Variants in EPHA7 observed in about 807,000 individuals in gnomAD.
The protein encoded by EPHA7 is EPH receptor A7.
Under a neutral mutation model 112.6 loss-of-function variants are expected in EPHA7, and 25 were observed. That is an observed-to-expected ratio of 0.22 (90% confidence interval 0.16 to 0.31). The LOEUF (loss-of-function observed/expected upper bound fraction) is 0.31, where lower values mean the gene tolerates loss of function less well. Ranked by LOEUF, EPHA7 falls within the 10% of genes least tolerant of loss-of-function variation. EPHA7 has a pLI of 1.00. For synonymous variants in EPHA7, 437 were observed against 406.5 expected, an observed-to-expected ratio of 1.07 and a Z score of -0.90; for missense variants, 962 against 1,212.6, an observed-to-expected ratio of 0.79 and a Z score of 3.07.
At chr6:93,411,288 G>A (rs41273631) in intron 2 of EPHA7, 118 bp from the exon 3 acceptor site, 22 of 760,324 alleles carry the variant, frequency 2.9e-5, no homozygotes, top group Non-Finnish European at 4.5e-5. Flanking sequence ...TCCTATGCTG[G>A]CAAAACTATA....
At chr6:93,324,651 C>T (rs1774229802) in intron 5 of EPHA7, among the ~76,000 whole-genome samples, 1 of 151,416 alleles carries the variant, frequency 6.6e-6, no homozygotes, top group Non-Finnish European at 1.5e-5. Context: ...AAGTGTGCTA[C>T]AGCAAGTAGG....
intron 3 of EPHA7, among the ~76,000 whole-genome samples, chr6:93,370,680 T>G (rs1205953857): frequency 1.3e-5 from 2 of 152,212 alleles, no homozygotes; most frequent in Non-Finnish European, 2.9e-5. Flanking sequence ...GGTTTCCTAT[T>G]ACATTTCATA....
chr6:93,241,578 A>C lies in EPHA7; in HGVS notation c.*1848T>G. ...ATTAAAATGATTTTTCTAGTCAATC[A>C]AAAAATAAATTAAAATATCAAATAA... On this transcript the variant is annotated 3_prime_UTR_variant, in exon 17 of 17. Transcript: ENST00000369303. The C allele has an allele frequency of 4.6e-6, 1 of 218,062 alleles. No individual in the cohort carries two copies. The highest frequency in any genetic ancestry group is 6.8e-5 in the East Asian group (1 of 14,704). 13.5% of individuals were successfully genotyped at this position (218,062 alleles called of 1,614,324 possible).
intron 6 of EPHA7, among the ~76,000 whole-genome samples, chr6:93,270,375 T>C (rs1054705890): frequency 6.6e-6 from 1 of 151,412 alleles, no homozygotes; most frequent in Non-Finnish European, 1.5e-5. Flanking sequence ...CCTATCATTA[T>C]CAAACATATT....
chr6:93,274,139 T>C (rs1771359990), intron 5 of EPHA7, among the ~76,000 whole-genome samples: 1 of 151,938 alleles, frequency 6.6e-6, no homozygotes, highest in Admixed American at 6.6e-5. Flanking sequence ...TAGAAATAGG[T>C]TAGAGAGCTC....
chr6:93,301,721 C>T (rs1262002073), intron 5 of EPHA7, among the ~76,000 whole-genome samples: 2 of 152,170 alleles, frequency 1.3e-5, no homozygotes, highest in Non-Finnish European at 2.9e-5. Context: ...CTCTCCCTTG[C>T]TCCCTATACT....
intron 3 of EPHA7, among the ~76,000 whole-genome samples, chr6:93,389,565 G>A (rs1000693842): frequency 1.3e-5 from 2 of 151,850 alleles, no homozygotes; most frequent in East Asian, 1.9e-4. Context: ...ACTTATTTAC[G>A]CATTACAAAA....
intron 6 of EPHA7, among the ~76,000 whole-genome samples, chr6:93,270,538 A>G (rs1274501751): frequency 6.6e-6 from 1 of 151,712 alleles, no homozygotes; most frequent in Non-Finnish European, 1.5e-5. Context: ...TGTAAAAATT[A>G]TACTTCATAA....
rs560137620 is a variant in EPHA7, at chr6:93,242,729, T to C, written c.*697A>G. On this transcript the variant is annotated 3_prime_UTR_variant, in exon 17 of 17. Coordinates refer to ENST00000369303, the MANE Select transcript of EPHA7 (RefSeq NM_004440.4). ...GTCTGATCTTTACAAAAAAATTCTTTTTAAAAAATATCAGAGCTCTTGGCA... is the reference window on the plus strand; with the variant it reads ...GTCTGATCTTTACAAAAAAATTCTTCTTAAAAAATATCAGAGCTCTTGGCA... 1 of 215,790 alleles carries C rather than the reference T, an allele frequency of 4.6e-6. No individual in the cohort carries two copies. The highest frequency in any genetic ancestry group is 2.2e-5 in the African/African-American group (1 of 44,558). 13.4% of individuals were successfully genotyped at this position (215,790 alleles called of 1,614,324 possible).
intron 5 of EPHA7, among the ~76,000 whole-genome samples, chr6:93,337,496 G>C (rs926004969): frequency 6.6e-6 from 1 of 152,098 alleles, no homozygotes; most frequent in Non-Finnish European, 1.5e-5. Context: ...TTGTTTACAA[G>C]AATGTATAAG....
chr6:93,353,129 T>C (rs937386430), intron 5 of EPHA7, among the ~76,000 whole-genome samples: 1 of 152,118 alleles, frequency 6.6e-6, no homozygotes, highest in African/African-American at 2.4e-5. Flanking sequence ...AACTTTTAAA[T>C]ATAAGGAAGA....
chr6:93,358,225 G>C, intron 4 of EPHA7, 31 bp downstream of exon 4: 1 of 1,553,352 alleles, frequency 6.4e-7, no homozygotes, highest in Non-Finnish European at 8.7e-7. Flanking sequence ...GAAGGGATTG[G>C]AAAGTCCTTT....
intron 3 of EPHA7, among the ~76,000 whole-genome samples, chr6:93,362,171 A>G (rs1250376389): frequency 6.6e-6 from 1 of 152,002 alleles, no homozygotes; most frequent in Non-Finnish European, 1.5e-5. Context: ...GTCAGATTTC[A>G]TATGTTAAGC....
At chr6:93,412,658 T>A (rs1162338961) in intron 2 of EPHA7, among the ~76,000 whole-genome samples, 1 of 152,092 alleles carries the variant, frequency 6.6e-6, no homozygotes, top group African/African-American at 2.4e-5. Context: ...CAGCCAAACA[T>A]AACCAAATTC....
intron 5 of EPHA7, among the ~76,000 whole-genome samples, chr6:93,320,358 A>G (rs987345073): frequency 3.3e-5 from 5 of 152,082 alleles, no homozygotes; most frequent in Non-Finnish European, 7.4e-5. Flanking sequence ...AAGATTCAGT[A>G]TATTAGTTTT....
intron 5 of EPHA7, among the ~76,000 whole-genome samples, chr6:93,310,568 G>A (rs1416702253): frequency 6.6e-6 from 1 of 151,916 alleles, no homozygotes; most frequent in Non-Finnish European, 1.5e-5. Context: ...GGGAGGCTGA[G>A]GCAGAAAATT....
chr6:93,387,447 A>G (rs768269051), intron 3 of EPHA7, among the ~76,000 whole-genome samples: 1 of 152,042 alleles, frequency 6.6e-6, no homozygotes, highest in Non-Finnish European at 1.5e-5. Flanking sequence ...CTGTCTTCTG[A>G]GCCCTCCAAA....
At chr6:93,338,388 G>C (rs758419465) in intron 5 of EPHA7, among the ~76,000 whole-genome samples, 1 of 152,034 alleles carries the variant, frequency 6.6e-6, no homozygotes, top group Non-Finnish European at 1.5e-5. Context: ...AAATAAGAGA[G>C]TGACTTTCAG....
intron 5 of EPHA7, among the ~76,000 whole-genome samples, chr6:93,346,906 T>G (rs1252896222): frequency 6.6e-6 from 1 of 151,848 alleles, no homozygotes; most frequent in Non-Finnish European, 1.5e-5. Context: ...ATTATTTTAG[T>G]AGATGAATAT....
Sources: gnomAD v4.1 joint callset for allele counts (sites outside exome capture counted in the v4.1 genomes callset) on GRCh38, gnomAD v4.1.1 for gene constraint, MANE v1.5 for transcripts, NCBI Gene and HGNC (gene_info 2026-07-23, HGNC 2026-07-21) for gene names.